Variants in TANC1 observed in about 807,000 individuals in gnomAD.
TANC1 encodes protein TANC1.
A neutral mutation model predicts 149.7 loss-of-function variants in TANC1; 77 were observed. That is an observed-to-expected ratio of 0.51 (90% CI 0.43 to 0.62). The LOEUF (loss-of-function observed/expected upper bound fraction) is 0.62. TANC1 is among the 20% of genes least tolerant of loss of function. TANC1 has a pLI of 0.00. For synonymous variants in TANC1, 854 were observed against 925.0 expected, an observed-to-expected ratio of 0.92 and a Z score of 1.39; for missense variants, 1,985 against 2,321.8, an observed-to-expected ratio of 0.85 and a Z score of 2.98.
At chr2:159,179,983 T>G (rs2056314674) in intron 14 of TANC1, among the ~76,000 whole-genome samples, 1 of 152,182 alleles carries the variant, frequency 6.6e-6, no homozygotes, top group Non-Finnish European at 1.5e-5. Flanking sequence ...CCTGCTGTAG[T>G]AACAGGGCTG....
chr2:159,009,242 C>G (rs2037521495), intron 2 of TANC1, among the ~76,000 whole-genome samples: 1 of 152,188 alleles, frequency 6.6e-6, no homozygotes, highest in Non-Finnish European at 1.5e-5. Context: ...ACCATATGGT[C>G]TACCAACCCC....
intron 3 of TANC1, among the ~76,000 whole-genome samples, chr2:159,067,823 A>G (rs2042801501): frequency 6.6e-6 from 1 of 152,214 alleles, no homozygotes; most frequent in Non-Finnish European, 1.5e-5. Context: ...CCATACTTAG[A>G]AGAAATAGCA....
chr2:159,186,738 A>G (rs187051485), intron 15 of TANC1, 164 bp from the exon 16 acceptor site: 1 of 783,332 alleles, frequency 1.3e-6, no homozygotes, highest in African/African-American at 1.7e-5. Context: ...CAGGTAGTGA[A>G]AGCTCGCATG....
chr2:159,012,751 G>T (rs185268722), intron 2 of TANC1, among the ~76,000 whole-genome samples: 1 of 152,130 alleles, frequency 6.6e-6, no homozygotes, highest in African/African-American at 2.4e-5. Context: ...AGGTCATTTA[G>T]GAGGCTGTGG....
intron 10 of TANC1, among the ~76,000 whole-genome samples, chr2:159,171,197 C>A (rs1335814448): frequency 6.6e-6 from 1 of 152,160 alleles, no homozygotes; most frequent in Non-Finnish European, 1.5e-5. Context: ...CAGCCTTCGT[C>A]TTCTGTATTG....
At chr2:158,995,871 C>G (rs576563338) in intron 1 of TANC1, among the ~76,000 whole-genome samples, 1 of 152,296 alleles carries the variant, frequency 6.6e-6, no homozygotes, top group East Asian at 1.9e-4. Context: ...CACCAGCCAG[C>G]CTGCCGTGCC....
chr2:159,184,565 G>T (rs1290528334), intron 14 of TANC1, among the ~76,000 whole-genome samples: 2 of 152,182 alleles, frequency 1.3e-5, no homozygotes, highest in African/African-American at 2.4e-5. Context: ...CTTAGCCTGT[G>T]GTTGGGAGAG....
chr2:159,121,823 G>A (rs893717504), intron 4 of TANC1, among the ~76,000 whole-genome samples: 5 of 152,204 alleles, frequency 3.3e-5, no homozygotes, highest in African/African-American at 1.2e-4. Context: ...AAAGTCAAGA[G>A]TGTACACAGC....
chr2:159,196,465 C>T, intron 17 of TANC1, 143 bp from the exon 18 acceptor site: 2 of 635,430 alleles, frequency 3.1e-6, no homozygotes, highest in Non-Finnish European at 5.2e-6. Flanking sequence ...ACTAAGGTTC[C>T]ATGTTCTCCA....
intron 19 of TANC1, among the ~76,000 whole-genome samples, chr2:159,206,014 C>G (rs1306267771): frequency 6.6e-6 from 1 of 152,186 alleles, no homozygotes; most frequent in Non-Finnish European, 1.5e-5. Context: ...GGCATTCCTT[C>G]CTCTGCAAGT....
chr2:159,009,953 A>T (rs531003621), intron 2 of TANC1, among the ~76,000 whole-genome samples: 2 of 152,378 alleles, frequency 1.3e-5, no homozygotes, highest in African/African-American at 4.8e-5. Context: ...CATTTCAGCA[A>T]TGATGGCATT....
rs77037938 is a variant in TANC1, at chr2:159,033,585, C to G, written c.-15-32311C>G. Among the ~76,000 whole-genome samples, 1,290 of 152,298 alleles carry G rather than the reference C, an allele frequency of 8.5e-3. 66 individuals carry two copies. In the East Asian group the frequency reaches 0.16, roughly 19 times the overall value. On this transcript the variant is annotated intron_variant, in intron 2 of 26. Coordinates refer to ENST00000263635, the MANE Select transcript of TANC1 (RefSeq NM_033394.3). The stretch of plus-strand genomic sequence containing the variant: ...AGATGAATTTCCTTCCCATGAGAGA[C>G]AGAAATTGGGGAAGCCATCCAGACT...
chr2:158,981,717 C>T (rs574897686), intron 1 of TANC1, among the ~76,000 whole-genome samples: 2 of 151,052 alleles, frequency 1.3e-5, no homozygotes, highest in Admixed American at 6.6e-5. Context: ...GGTAAAGTGG[C>T]CTGGGTGTTA....
At chr2:159,211,682 T>C (rs1575286021) in intron 19 of TANC1, among the ~76,000 whole-genome samples, 1 of 152,244 alleles carries the variant, frequency 6.6e-6, no homozygotes, top group Non-Finnish European at 1.5e-5. Flanking sequence ...CCCCTGAAAA[T>C]GGCAGAGCCT....
At chr2:159,023,538 C>T (rs2039003096) in intron 2 of TANC1, among the ~76,000 whole-genome samples, 3 of 151,908 alleles carry the variant, frequency 2.0e-5, no homozygotes, top group Non-Finnish European at 4.4e-5. Flanking sequence ...GACAGGATCT[C>T]GCCATTCTGC....
chr2:159,204,741 T>A (rs2058486902), intron 19 of TANC1, among the ~76,000 whole-genome samples: 1 of 152,184 alleles, frequency 6.6e-6, no homozygotes, highest in African/African-American at 2.4e-5. Flanking sequence ...ATGTGAAGTG[T>A]TTTTATGTTA....
chr2:159,014,843 G>C (rs922025307), intron 2 of TANC1, among the ~76,000 whole-genome samples: 7 of 152,304 alleles, frequency 4.6e-5, no homozygotes, highest in African/African-American at 1.7e-4. Context: ...AGGTCATACT[G>C]ATGCAAGAGT....
At chr2:158,998,436 C>G (rs972181524) in intron 1 of TANC1, among the ~76,000 whole-genome samples, 1 of 152,168 alleles carries the variant, frequency 6.6e-6, no homozygotes, top group South Asian at 2.1e-4. Flanking sequence ...CTACCCCCAA[C>G]AAAAATTTGT....
rs550150200 is a variant in TANC1, at chr2:159,140,197, G to A, written c.364+3899G>A. 1.8e-3 allele frequency among the ~76,000 whole-genome samples: 278 copies of A among 151,844 alleles called. 2 individuals carry two copies. The highest frequency in any genetic ancestry group is 2.6e-3 in the Non-Finnish European group (178 of 67,948). On this transcript the variant is annotated intron_variant, in intron 5 of 26. Coordinates refer to ENST00000263635, the MANE Select transcript of TANC1 (RefSeq NM_033394.3). ...TGATCACACCATTACACTGCAGCCT[G>A]GGAGACAGAGTGAGACCCTGTCTCA... is the stretch of plus-strand genomic sequence containing the variant.
Sources: allele counts gnomAD v4.1 joint callset (sites outside exome capture counted in the v4.1 genomes callset), GRCh38; gene constraint gnomAD v4.1.1; transcripts MANE v1.5; gene names NCBI Gene and HGNC (gene_info 2026-07-23, HGNC 2026-07-21).